Variants in ITPR1 observed in about 807,000 individuals in gnomAD.
ITPR1 encodes the protein inositol 1,4,5-trisphosphate-gated calcium channel ITPR1.
Under a neutral mutation model 318.4 loss-of-function variants are expected in ITPR1, and 96 were observed. The observed-to-expected ratio is 0.30, with a 90% CI of 0.26 to 0.36. The LOEUF is 0.36. Among genes scored for constraint, ITPR1 ranks in the 10% least tolerant of loss-of-function variants. ITPR1 has a pLI of 1.00. For synonymous variants in ITPR1, 1,312 were observed against 1,289.9 expected, an observed-to-expected ratio of 1.02 and a Z score of -0.37; for missense variants, 2,440 against 3,460.2, an observed-to-expected ratio of 0.71 and a Z score of 7.40.
Position 4,800,519 on chromosome 3 carries a change from G to A in ITPR1, c.7026G>A (p.Arg2342=). The stretch of plus-strand genomic sequence containing the variant: ...CCCTCCCCAAGCCCCATGGCATCCG[G>A]GCCTTAATTGCCTCCACAATTCTAC... The part of the protein sequence containing the change: ...VIALPKPHGI[R]ALIASTILRL... Residue 2342 remains arginine, a synonymous_variant, in exon 54 of 62, where the codon CGG becomes CGA. Coordinates refer to ENST00000649015, the MANE Select transcript of ITPR1 (RefSeq NM_001378452.1). 1 of 1,613,936 alleles carries A rather than the reference G, an allele frequency of 6.2e-7. No homozygotes were observed. Among genetic ancestry groups the A allele is most frequent in the Non-Finnish European group, 8.5e-7 (1 of 1,179,884 alleles).
chr3:4,596,605 G>A (rs2090844753), intron 4 of ITPR1, among the ~76,000 whole-genome samples: 1 of 152,078 alleles, frequency 6.6e-6, no homozygotes. Context: ...CACCTTTTTG[G>A]TTTGAGGTCA....
At chr3:4,711,323 A>G (rs2041352658) in intron 38 of ITPR1, among the ~76,000 whole-genome samples, 1 of 151,338 alleles carries the variant, frequency 6.6e-6, no homozygotes, top group Non-Finnish European at 1.5e-5. Context: ...CCCTCTAAGG[A>G]CAAGCTTGTG....
In ITPR1 at chr3:4,792,169, A is replaced by T. The variant is rs372674605; in HGVS notation, c.6809-2896A>T. Among the ~76,000 whole-genome samples, 42 of 152,206 alleles carry T rather than the reference A, an allele frequency of 2.8e-4. 1 individual carries two copies. In the South Asian group the frequency reaches 8.5e-3, roughly 31 times the overall value. On this transcript the variant is annotated intron_variant, in intron 52 of 61. Transcript: ENST00000649015. ...TGTTCCCTCTCTCACTCTCTCACCTACACGGATACTTGTGACCACATTGGA... is the reference window on the plus strand; with the variant it reads ...TGTTCCCTCTCTCACTCTCTCACCTTCACGGATACTTGTGACCACATTGGA...
At chr3:4,517,583 T>C (rs2082261543) in intron 3 of ITPR1, among the ~76,000 whole-genome samples, 1 of 152,230 alleles carries the variant, frequency 6.6e-6, no homozygotes, top group South Asian at 2.1e-4. Flanking sequence ...GAATTATAGC[T>C]CAATTAGACT....
Position 4,712,435 on chromosome 3 carries a change from G to T in ITPR1, c.5103+567G>T, listed in dbSNP as rs576730669. 4.6e-5 allele frequency among the ~76,000 whole-genome samples: 7 copies of T among 152,348 alleles called. No individual in the cohort carries two copies. In the South Asian group the frequency reaches 1.4e-3, roughly 32 times the overall value. ...CAGATCCATTCCTTACACCTCTGATGTTGGGTAGAGCAGGACAGAAACAAT... is the reference window on the plus strand; with the variant it reads ...CAGATCCATTCCTTACACCTCTGATTTTGGGTAGAGCAGGACAGAAACAAT... On this transcript the variant is annotated intron_variant, in intron 39 of 61. Coordinates refer to ENST00000649015, the MANE Select transcript of ITPR1 (RefSeq NM_001378452.1).
chr3:4,789,457 T>A (rs7652212), intron 52 of ITPR1, among the ~76,000 whole-genome samples: 8 of 152,266 alleles, frequency 5.3e-5, no homozygotes, highest in Middle Eastern at 3.4e-3. Flanking sequence ...TACCCTGTAC[T>A]CCAAAAGGGA....
At chr3:4,600,143 A>T (rs2091158632) in intron 4 of ITPR1, among the ~76,000 whole-genome samples, 1 of 152,198 alleles carries the variant, frequency 6.6e-6, no homozygotes, top group Non-Finnish European at 1.5e-5. Flanking sequence ...TGTTGTATGC[A>T]TCAATAGTTT....
intron 4 of ITPR1, among the ~76,000 whole-genome samples, chr3:4,584,469 G>T (rs1352744702): frequency 6.6e-6 from 1 of 152,144 alleles, no homozygotes; most frequent in Non-Finnish European, 1.5e-5. Flanking sequence ...CTGATGAAAG[G>T]TGGGAACGGG....
chr3:4,741,128 T>C (rs774789127), intron 44 of ITPR1, among the ~76,000 whole-genome samples: 2 of 152,176 alleles, frequency 1.3e-5, no homozygotes, highest in African/African-American at 2.4e-5. Context: ...CTTCGCTTCC[T>C]CTTCCTTACA....
At chr3:4,697,034 C>A in intron 33 of ITPR1, 113 bp from the exon 34 acceptor site, 1 of 802,426 alleles carries the variant, frequency 1.2e-6, no homozygotes, top group Non-Finnish European at 2.0e-6. Flanking sequence ...TAAGACTTGG[C>A]AGTGGGGAAT....
intron 4 of ITPR1, among the ~76,000 whole-genome samples, chr3:4,602,107 A>G (rs2091331387): frequency 6.6e-6 from 1 of 152,180 alleles, no homozygotes; most frequent in African/African-American, 2.4e-5. Flanking sequence ...AAATGACACA[A>G]CCACTTTGTA....
At chr3:4,817,098 T>C (rs961879600) in intron 59 of ITPR1, among the ~76,000 whole-genome samples, 1 of 152,242 alleles carries the variant, frequency 6.6e-6, no homozygotes. Flanking sequence ...GGTTTAGTCA[T>C]GTCATCATCG....
rs770761591 is a variant in ITPR1, at chr3:4,691,366, A to G, written c.4029+22A>G. ...CGAGGTGATTGTTATATATTTCTGTATACCTCCATCTGGTGTTCTGTAGAA... is the reference window on the plus strand; with the variant it reads ...CGAGGTGATTGTTATATATTTCTGTGTACCTCCATCTGGTGTTCTGTAGAA... On this transcript the variant is annotated intron_variant, in intron 32 of 61. Transcript: ENST00000649015. 4.6e-6 allele frequency: 7 copies of G among 1,508,076 alleles called. No homozygotes were observed. In the East Asian group the frequency reaches 1.4e-4, roughly 29 times the overall value. 93.4% of individuals were successfully genotyped at this position (1,508,076 alleles called of 1,614,324 possible).
chr3:4,631,327 C>A (rs116510022), intron 5 of ITPR1, among the ~76,000 whole-genome samples: 3,205 of 152,158 alleles, frequency 0.021, 129 homozygotes, highest in African/African-American at 0.073. Context: ...CCTTTTTGAC[C>A]TATTTCTTTA....
chr3:4,644,041 C>T (rs1260908440), intron 7 of ITPR1, 95 bp from the exon 8 acceptor site: 1 of 777,484 alleles, frequency 1.3e-6, no homozygotes, highest in Admixed American at 2.0e-5. Context: ...TTGCCTTCTT[C>T]AGCACAGACT....
At chr3:4,649,988 G>C (rs2093556712) in intron 10 of ITPR1, among the ~76,000 whole-genome samples, 2 of 152,158 alleles carry the variant, frequency 1.3e-5, no homozygotes, top group South Asian at 4.2e-4. Context: ...AATAATGAGA[G>C]GACACACACA....
At chr3:4,666,956 A>G (rs1224777769) in intron 17 of ITPR1, among the ~76,000 whole-genome samples, 1 of 152,226 alleles carries the variant, frequency 6.6e-6, no homozygotes, top group Admixed American at 6.5e-5. Flanking sequence ...ACAGGGTAAC[A>G]TTGTTCCAGA....
At chr3:4,591,737 C>G (rs1299333849) in intron 4 of ITPR1, among the ~76,000 whole-genome samples, 2 of 152,142 alleles carry the variant, frequency 1.3e-5, no homozygotes, top group East Asian at 3.8e-4. Flanking sequence ...AGCTTATGAT[C>G]ACTTGTAGTA....
At chr3:4,518,775 A>G (rs2082342935) in intron 3 of ITPR1, among the ~76,000 whole-genome samples, 1 of 152,156 alleles carries the variant, frequency 6.6e-6, no homozygotes, top group African/African-American at 2.4e-5. Context: ...TAGCTTGTTA[A>G]AAATAAAGGT....
Sources: allele counts gnomAD v4.1 joint callset (sites outside exome capture counted in the v4.1 genomes callset), GRCh38; gene constraint gnomAD v4.1.1; transcripts MANE v1.5; gene names NCBI Gene and HGNC (gene_info 2026-07-23, HGNC 2026-07-21).